ASNS: variants seen among roughly 807,000 people sequenced by gnomAD.
ASNS encodes the protein asparagine synthetase [glutamine-hydrolyzing].
A neutral mutation model predicts 62.6 loss-of-function variants in ASNS; 37 were observed. That is an observed-to-expected ratio of 0.59 (90% CI 0.45 to 0.78). The LOEUF (loss-of-function observed/expected upper bound fraction) is 0.78. ASNS is among the 30% of genes least tolerant of loss of function. The pLI, the probability that ASNS is intolerant of heterozygous loss-of-function variation, is 0.00. For synonymous variants in ASNS, 207 were observed against 237.9 expected (o/e 0.87, Z 1.19); for missense variants, 520 against 682.4 (o/e 0.76, Z 2.65).
the ASNS span, among the ~76,000 whole-genome samples, chr7:97,896,741 C>CACAG: frequency 8.6e-4 from 17 of 19,780 alleles, no homozygotes; most frequent in South Asian, 0.021. Flanking sequence ...CACACACACA[C>CACAG]ATATATATAT....
chr7:97,854,523 T>G, intron 10 of ASNS, 57 bp downstream of exon 10: 1 of 1,582,400 alleles, frequency 6.3e-7, no homozygotes, highest in East Asian at 2.2e-5. Context: ...CTTTTTGTTT[T>G]GTTTTGTTTT....
At chr7:97,860,423 G>A (rs966378960) in intron 4 of ASNS, among the ~76,000 whole-genome samples, 1 of 152,216 alleles carries the variant, frequency 6.6e-6, no homozygotes, top group African/African-American at 2.4e-5. Context: ...AGGCCCAGGG[G>A]AGCAGGAGGC....
chr7:97,920,924 C>A, the ASNS span, among the ~76,000 whole-genome samples: 1 of 152,202 alleles, frequency 6.6e-6, no homozygotes, highest in South Asian at 2.1e-4. Flanking sequence ...AGAGTGGCAG[C>A]GCCAAGACAG....
chr7:97,922,992 GT>G, the ASNS span, among the ~76,000 whole-genome samples: 24,907 of 152,014 alleles, frequency 0.16, 2,279 homozygotes, highest in Middle Eastern at 0.23. Context: ...GTTCCGCCAT[GT>G]TGGCTAGGCT....
At chr7:97,925,685 T>C in the ASNS span, among the ~76,000 whole-genome samples, 1 of 152,148 alleles carries the variant, frequency 6.6e-6, no homozygotes, top group Non-Finnish European at 1.5e-5. Flanking sequence ...ACAATAACCT[T>C]CCTGATCTGG....
chr7:97,913,940 G>A, the ASNS span, among the ~76,000 whole-genome samples: 1 of 151,552 alleles, frequency 6.6e-6, no homozygotes, highest in Non-Finnish European at 1.5e-5. Context: ...AAGTGGGTGA[G>A]GGGGTGGAGG....
At chr7:97,918,419 G>A in the ASNS span, among the ~76,000 whole-genome samples, 46 of 149,804 alleles carry the variant, frequency 3.1e-4, no homozygotes, top group African/African-American at 9.9e-4. Flanking sequence ...GGGAAAAGGC[G>A]GAAACCATCC....
rs376639658 is a variant in ASNS at position 97,859,394 on chromosome 7, A to C, written c.492T>G (p.Leu164=). ...GAGTCGCGGAGTGCTTCAATGTAAC[A>C]AGACCTAGAAATTCACAATGATACC... is the stretch of plus-strand genomic sequence containing the variant. ...FLAVCSEAKG[L]VTLKHSATPF... The change falls in exon 5 of 13, where the codon CTT becomes CTG. Residue 164 remains leucine, a synonymous_variant. Transcript: ENST00000394308. 6.3e-7 allele frequency: 1 copy of C among 1,598,968 alleles called. No individual in the cohort carries two copies. Among genetic ancestry groups the C allele is most frequent in the African/African-American group, 1.3e-5 (1 of 74,314 alleles).
At chr7:97,876,701 C>T (rs1294064871), upstream of ASNS, among the ~76,000 whole-genome samples, 1 of 152,060 alleles carries the variant, frequency 6.6e-6, no homozygotes, top group African/African-American at 2.4e-5. Context: ...GCTGGGATTA[C>T]AGGCATGAAC....
intron 1 of ASNS, chr7:97,870,269 G>A: frequency 1.5e-6 from 1 of 670,218 alleles, no homozygotes; most frequent in Non-Finnish European, 2.5e-6. Flanking sequence ...ATTCCGTTTT[G>A]AGAATGTCAA....
the ASNS span, among the ~76,000 whole-genome samples, chr7:97,883,315 T>C: frequency 6.6e-6 from 1 of 152,182 alleles, no homozygotes; most frequent in African/African-American, 2.4e-5. Context: ...ATCTTCATCA[T>C]AAACACAAAC....
chr7:97,899,472 G>GGCT, the ASNS span, among the ~76,000 whole-genome samples: 3 of 151,988 alleles, frequency 2.0e-5, no homozygotes, highest in African/African-American at 7.2e-5. Context: ...TTGCAACTTG[G>GGCT]GCTGCTTTTC....
upstream of ASNS, chr7:97,872,685 T>C (rs1792345287): frequency 6.6e-6 from 1 of 152,332 alleles, no homozygotes; most frequent in Admixed American, 6.5e-5. Flanking sequence ...GAACTTGGTT[T>C]GTTCTTCGGG....
At chr7:97,911,831 G>A in the ASNS span, among the ~76,000 whole-genome samples, 10 of 151,992 alleles carry the variant, frequency 6.6e-5, no homozygotes, top group Admixed American at 1.3e-4. Context: ...CGACCCATGC[G>A]CCTTGCTTCA....
At chr7:97,880,903 T>C in the ASNS span, among the ~76,000 whole-genome samples, 1 of 151,476 alleles carries the variant, frequency 6.6e-6, no homozygotes, top group Admixed American at 6.6e-5. Context: ...TGGGCATCAG[T>C]ATTTTTGGTT....
the ASNS span, chr7:97,928,207 C>A: frequency 6.5e-7 from 1 of 1,528,356 alleles, no homozygotes; most frequent in Non-Finnish European, 8.8e-7. Context: ...AGCCTCTTCT[C>A]TTCGGGAGGG....
the ASNS span, among the ~76,000 whole-genome samples, chr7:97,881,567 T>C: frequency 6.6e-6 from 1 of 152,224 alleles, no homozygotes; most frequent in Non-Finnish European, 1.5e-5. Context: ...GATGGCCATT[T>C]GGTTGATGAA....
chr7:97,894,479 C>CAA, the ASNS span, among the ~76,000 whole-genome samples: 1 of 18,776 alleles, frequency 5.3e-5, no homozygotes, highest in Non-Finnish European at 9.3e-5. Flanking sequence ...GTGAGGCTAA[C>CAA]CAAAAAAAAA....
the ASNS span, among the ~76,000 whole-genome samples, chr7:97,923,551 G>A: frequency 0.077 from 11,736 of 152,084 alleles, 926 homozygotes; most frequent in African/African-American, 0.2. Flanking sequence ...CATCTTGTCC[G>A]TCTCCACTCT....
Sources: allele counts gnomAD v4.1 joint callset (sites outside exome capture counted in the v4.1 genomes callset), GRCh38; gene constraint gnomAD v4.1.1; transcripts MANE v1.5; gene names NCBI Gene and HGNC (gene_info 2026-07-23, HGNC 2026-07-21).